The following ZNF782 variants were observed in gnomAD, a reference collection of about 807,000 sequenced individuals.
ZNF782 encodes the protein zinc finger protein 782.
In ZNF782, 12 loss-of-function variants were observed where a neutral mutation model predicts 13.0. The ratio of observed to expected loss-of-function variants is 0.92; its 90% confidence interval spans 0.59 to 1.50. The LOEUF is 1.50. Ranked by LOEUF, ZNF782 falls within the 40% of genes most tolerant of loss-of-function variation. ZNF782 has a pLI of 0.00. For missense variants in ZNF782, 770 were observed against 822.9 expected, an observed-to-expected ratio of 0.94 and a Z score of 0.79; for synonymous variants, 284 against 283.0, an observed-to-expected ratio of 1.00 and a Z score of -0.04.
In ZNF782 at chr9:96,836,529, G is replaced by A. The variant is rs578198988; in HGVS notation, c.142+8361C>T. Among the ~76,000 whole-genome samples, 8 of 152,290 alleles carry A rather than the reference G, an allele frequency of 5.3e-5. No individual in the cohort carries two copies. The East Asian group carries it at 1.5e-3, about 29-fold the overall frequency. On this transcript the variant is annotated intron_variant, in intron 4 of 5. Coordinates refer to ENST00000481138, the MANE Select transcript of ZNF782 (RefSeq NM_001001662.3). ...AACTTATTTTTGATTTTACAGGCTT[G>A]TAGCTGGACTTTGGACTTTTAAGGT...
chr9:96,920,105 G>A, the ZNF782 span, among the ~76,000 whole-genome samples: 1 of 150,108 alleles, frequency 6.7e-6, no homozygotes, highest in Non-Finnish European at 1.5e-5. Context: ...ACAACCTGAT[G>A]CACTGCCAAA....
the ZNF782 span, chr9:96,897,953 T>C: frequency 6.6e-6 from 1 of 151,370 alleles, no homozygotes; most frequent in Admixed American, 6.6e-5. Flanking sequence ...CAGATAAGGA[T>C]CACAGGATTA....
Position 96,872,469 on chromosome 9 carries a change from T to C in ZNF782, c.-457+2999A>G, listed in dbSNP as rs936190299. ...TTGCTTGAACCTGAGGGGCGGAGGTTGCAGTGAGCCAAGATCGCGCCACTG... is the reference window on the plus strand; with the variant it reads ...TTGCTTGAACCTGAGGGGCGGAGGTCGCAGTGAGCCAAGATCGCGCCACTG... On this transcript the variant is annotated intron_variant, in intron 1 of 5. Transcript: ENST00000498811. 2.6e-5 allele frequency among the ~76,000 whole-genome samples: 4 copies of C among 151,592 alleles called. No homozygotes were observed. In the East Asian group the frequency reaches 7.8e-4, roughly 29 times the overall value.
At chr9:96,915,670 G>C in the ZNF782 span, among the ~76,000 whole-genome samples, 3 of 151,048 alleles carry the variant, frequency 2.0e-5, no homozygotes, top group African/African-American at 7.3e-5. Flanking sequence ...GTGAAGGGCA[G>C]TAATCCAGGT....
At chr9:96,848,324 C>A (rs575727556) in intron 3 of ZNF782, among the ~76,000 whole-genome samples, 1 of 152,060 alleles carries the variant, frequency 6.6e-6, no homozygotes, top group South Asian at 2.1e-4. Flanking sequence ...AGCAATTAGT[C>A]AAGAGAAAGA....
the ZNF782 span, among the ~76,000 whole-genome samples, chr9:96,906,126 C>T: frequency 6.6e-6 from 1 of 152,246 alleles, no homozygotes; most frequent in South Asian, 2.1e-4. Flanking sequence ...GAGAATTACA[C>T]TATGATCCAG....
chr9:96,837,816 A>C (rs1564004632), intron 4 of ZNF782, among the ~76,000 whole-genome samples: 1 of 152,110 alleles, frequency 6.6e-6, no homozygotes. Context: ...TATTTGTAAC[A>C]TTTCTAGTCT....
At chr9:96,925,929 GCAGT>G in the ZNF782 span, among the ~76,000 whole-genome samples, 1 of 141,794 alleles carries the variant, frequency 7.1e-6, no homozygotes, top group Non-Finnish European at 1.5e-5. Flanking sequence ...ATGTTTCTCA[GCAGT>G]CAGTGTGGCC....
At chr9:96,873,185 A>C (rs1851847884) in intron 1 of ZNF782, among the ~76,000 whole-genome samples, 1 of 152,180 alleles carries the variant, frequency 6.6e-6, no homozygotes, top group African/African-American at 2.4e-5. Context: ...TTAGTACCTA[A>C]GGTAAAATCT....
chr9:96,859,307 G>C (rs1851678110), upstream of ZNF782, among the ~76,000 whole-genome samples: 1 of 152,142 alleles, frequency 6.6e-6, no homozygotes, highest in African/African-American at 2.4e-5. Context: ...GGCAGCTATG[G>C]AGTGCTTGCC....
chr9:96,916,374 C>T, the ZNF782 span, among the ~76,000 whole-genome samples: 28 of 152,016 alleles, frequency 1.8e-4, no homozygotes, highest in South Asian at 5.6e-3. Context: ...CCTGTAGTCC[C>T]AACTACTCAG....
chr9:96,837,710 C>A (rs191629445), intron 4 of ZNF782, among the ~76,000 whole-genome samples: 1 of 152,104 alleles, frequency 6.6e-6, no homozygotes, highest in African/African-American at 2.4e-5. Context: ...CCAGAAGGTA[C>A]GCTATGTTGT....
chr9:96,891,053 T>C, the ZNF782 span: 1 of 152,196 alleles, frequency 6.6e-6, no homozygotes, highest in Non-Finnish European at 1.5e-5. Context: ...GTATTCCACT[T>C]ATATGAGGTA....
upstream of ZNF782, among the ~76,000 whole-genome samples, chr9:96,857,083 T>G (rs1244107338): frequency 6.6e-6 from 1 of 152,222 alleles, no homozygotes; most frequent in Non-Finnish European, 1.5e-5. Flanking sequence ...ATTTGCTCAC[T>G]ATCACATGGG....
chr9:96,819,183 G>A lies in ZNF782; in HGVS notation c.840C>T (p.Phe280=). The A allele has an allele frequency of 1.2e-6, 2 of 1,612,332 alleles. No individual in the cohort carries two copies. The highest frequency in any genetic ancestry group is 1.7e-6 in the Non-Finnish European group (2 of 1,179,204). The change falls in exon 6 of 6, where the codon TTC becomes TTT. Residue 280 remains phenylalanine, a synonymous_variant. Transcript: ENST00000481138. ...TGAGAGTTTTGTGAGTGATTCTACA[G>A]AAACAATTTCCAGTATCATTAAACT... ...HYEFNDTGNC[F]CRITHKTLTG...
In ZNF782 at chr9:96,819,489, G is replaced by T. The variant is rs1328549773; in HGVS notation, c.534C>A (p.Gly178=). The change falls in exon 6 of 6, where the codon GGC becomes GGA. Residue 178 remains glycine, a synonymous_variant. Coordinates refer to ENST00000481138, the MANE Select transcript of ZNF782 (RefSeq NM_001001662.3). The part of the protein sequence containing the change: ...CDKWLISIKD[G]RTNTQEKSFA... ...AAGATTTCTCTTGAGTGTTAGTTCT[G>T]CCATCCTTAATACTGATGAGCCATT... The T allele has an allele frequency of 6.2e-7, 1 of 1,613,808 alleles. No homozygotes were observed. The highest frequency in any genetic ancestry group is 1.7e-5 in the Admixed American group (1 of 59,948).
intron 5 of ZNF782, among the ~76,000 whole-genome samples, chr9:96,824,693 C>A (rs1174622113): frequency 7.2e-6 from 1 of 138,928 alleles, no homozygotes; most frequent in Non-Finnish European, 1.6e-5. Context: ...AGCTGATAAG[C>A]AACTTCAGCA....
intron 4 of ZNF782, among the ~76,000 whole-genome samples, chr9:96,832,758 T>C (rs1041765216): frequency 2.0e-5 from 3 of 152,196 alleles, no homozygotes; most frequent in African/African-American, 7.2e-5. Context: ...TTTCTTTATC[T>C]TTAGTTGTCA....
At chr9:96,832,444 CTTCT>C (rs1316968921) in intron 4 of ZNF782, among the ~76,000 whole-genome samples, 2 of 152,146 alleles carry the variant, frequency 1.3e-5, no homozygotes, top group African/African-American at 4.8e-5. Flanking sequence ...ATTGTTCTTT[CTTCT>C]TTCCTGATGC....
Sources: allele counts gnomAD v4.1 joint callset (sites outside exome capture counted in the v4.1 genomes callset), GRCh38; gene constraint gnomAD v4.1.1; transcripts MANE v1.5; gene names NCBI Gene and HGNC (gene_info 2026-07-23, HGNC 2026-07-21).